DHX30: variants seen among roughly 807,000 people sequenced by gnomAD.
DHX30 encodes ATP-dependent RNA helicase DHX30.
In DHX30, 4 loss-of-function variants were observed where a neutral mutation model predicts 116.9. The ratio of observed to expected loss-of-function variants is 0.03; its 90% CI spans 0.02 to 0.08. DHX30 has a LOEUF of 0.08. Among genes scored for constraint, DHX30 ranks in the 10% least tolerant of loss-of-function variants. The pLI is 1.00. For missense variants in DHX30, 871 were observed against 1,595.1 expected, an observed-to-expected ratio of 0.55 and a Z score of 7.73; for synonymous variants, 697 against 651.7, an observed-to-expected ratio of 1.07 and a Z score of -1.06.
At chr3:47,810,749 C>A in intron 3 of DHX30, 38 bp downstream of exon 3, 4 of 1,606,066 alleles carry the variant, frequency 2.5e-6, no homozygotes, top group Non-Finnish European at 3.4e-6. Flanking sequence ...CATGCCCTTC[C>A]TTATTGGGAT....
intron 3 of DHX30, among the ~76,000 whole-genome samples, chr3:47,814,337 A>G (rs1289416002): frequency 6.7e-6 from 1 of 150,330 alleles, no homozygotes; most frequent in Non-Finnish European, 1.5e-5. Context: ...GAGGCAGCAA[A>G]TCGCTTGAAC....
Position 47,846,209 on chromosome 3 carries a change from G to C in DHX30, c.1137G>C (p.Gln379His). The change falls in exon 11 of 22, where the codon CAG (glutamine) becomes CAC (histidine). Residue 379 changes from glutamine to histidine, a missense_variant. Around this residue, in one of 13 missense-constraint regions of DHX30, gnomAD observed 175 missense variants for 292.9 expected, o/e 0.60. Transcript: ENST00000445061. ...SSWIAPELRLQSDDILPLGKD... is the reference protein window; with the variant it reads ...SSWIAPELRLHSDDILPLGKD... ...GGATCGCCCCAGAACTCCGGCTGCAGAGTGATGACATCTTGCCCTTGGGCA... is the reference window on the plus strand; with the variant it reads ...GGATCGCCCCAGAACTCCGGCTGCACAGTGATGACATCTTGCCCTTGGGCA... The C allele has an allele frequency of 6.2e-7, 1 of 1,614,054 alleles. No individual in the cohort carries two copies. The highest frequency in any genetic ancestry group is 8.5e-7 in the Non-Finnish European group (1 of 1,180,036).
chr3:47,827,577 G>A, intron 5 of DHX30, 100 bp downstream of exon 5: 1 of 1,455,418 alleles, frequency 6.9e-7, no homozygotes, highest in Non-Finnish European at 9.2e-7. Flanking sequence ...GCCATAGAAT[G>A]GGTTTCCTGA....
At chr3:47,806,724 A>G (rs983562367) in intron 2 of DHX30, among the ~76,000 whole-genome samples, 2 of 149,992 alleles carry the variant, frequency 1.3e-5, no homozygotes, top group Non-Finnish European at 3.0e-5. Context: ...GGATTACAGG[A>G]GTGAGCCACT....
chr3:47,806,132 T>C (rs1375326198), intron 2 of DHX30, among the ~76,000 whole-genome samples: 4 of 144,432 alleles, frequency 2.8e-5, no homozygotes, highest in African/African-American at 1.0e-4. Context: ...CAAGCCCGGC[T>C]AATTTTTTTG....
chr3:47,848,769 C>T lies in DHX30; in HGVS notation c.2721C>T (p.Thr907=), dbSNP rs148809232. The change falls in exon 17 of 22, where the codon ACC becomes ACT. Residue 907 remains threonine, a synonymous_variant. Transcript: ENST00000445061. The surrounding 1 kb of genome is among the most constrained non-coding windows in gnomAD (Gnocchi z 9.4). ...HPLLVVVSCL[T]RDPFSSSLQN... is the part of the protein sequence containing the mutation. ...TACTGGTGGTCGTTTCCTGCCTCAC[C>T]CGGGACCCCTTCAGCAGCAGCCTAC... 6.2e-7 allele frequency: 1 copy of T among 1,614,096 alleles called. No individual in the cohort carries two copies. Among genetic ancestry groups the T allele is most frequent in the Non-Finnish European group, 8.5e-7 (1 of 1,179,968 alleles).
At chr3:47,838,242 T>C (rs930632713) in intron 6 of DHX30, among the ~76,000 whole-genome samples, 5 of 152,192 alleles carry the variant, frequency 3.3e-5, no homozygotes, top group Non-Finnish European at 5.9e-5. Context: ...ATCCTGCGGT[T>C]TTCACGCGTC....
intron 6 of DHX30, among the ~76,000 whole-genome samples, chr3:47,833,026 C>G (rs1030237947): frequency 2.0e-5 from 3 of 148,996 alleles, no homozygotes; most frequent in Non-Finnish European, 4.4e-5. Flanking sequence ...CTCCAGTTAT[C>G]CTCCCACCTT....
At position 47,810,720 on chromosome 3, in the gene DHX30, G is replaced by C; in HGVS notation, c.28+9G>C. On this transcript the variant is annotated intron_variant, in intron 3 of 21. Coordinates refer to ENST00000445061, the MANE Select transcript of DHX30 (RefSeq NM_138615.3). ...GGACTCATTCAGAAAAGGTAAGACTGCAACTGTGCTTGTGACCTCATGCCC... is the reference window on the plus strand; with the variant it reads ...GGACTCATTCAGAAAAGGTAAGACTCCAACTGTGCTTGTGACCTCATGCCC... 6.2e-7 allele frequency: 1 copy of C among 1,613,934 alleles called. No individual in the cohort carries two copies. The highest frequency in any genetic ancestry group is 8.5e-7 in the Non-Finnish European group (1 of 1,179,808).
chr3:47,842,978 G>A (rs1450165680), intron 8 of DHX30, 128 bp from the exon 9 acceptor site: 3 of 1,194,826 alleles, frequency 2.5e-6, no homozygotes, highest in African/African-American at 3.0e-5. Context: ...CCTCTAGCAT[G>A]GCTCACGCCT....
At chr3:47,832,811 A>T (rs1215745043) in intron 6 of DHX30, among the ~76,000 whole-genome samples, 2 of 150,492 alleles carry the variant, frequency 1.3e-5, no homozygotes, top group East Asian at 3.9e-4. Flanking sequence ...TAATGTTTTT[A>T]TATTTTTGGT....
intron 6 of DHX30, chr3:47,831,012 T>G (rs1321330723): frequency 1.3e-5 from 2 of 152,168 alleles, no homozygotes; most frequent in Non-Finnish European, 2.9e-5. Flanking sequence ...TTTCCTGCAC[T>G]TGAAGAGGCC....
At chr3:47,829,308 A>T (rs1371054950) in intron 6 of DHX30, among the ~76,000 whole-genome samples, 174 bp downstream of exon 6, 2 of 28,708 alleles carry the variant, frequency 7.0e-5, no homozygotes, top group Non-Finnish European at 8.8e-5. Flanking sequence ...ATATATATAT[A>T]TATATATTTT....
rs1442956780 is a variant in DHX30, at chr3:47,843,198, G to A, written c.882G>A (p.Gly294=). The change falls in exon 9 of 22, where the codon GGG becomes GGA. Residue 294 remains glycine, a synonymous_variant. Coordinates refer to ENST00000445061, the MANE Select transcript of DHX30 (RefSeq NM_138615.3). ...GCCCCATGACCTTTGTTGCCAAAGGGCGCCGCAAAGCAGAGGCTGAGAATA... is the reference window on the plus strand; with the variant it reads ...GCCCCATGACCTTTGTTGCCAAAGGACGCCGCAAAGCAGAGGCTGAGAATA... The part of the protein sequence containing the change: ...WPCPMTFVAK[G]RRKAEAENKA... 1.2e-6 allele frequency: 2 copies of A among 1,614,280 alleles called. No individual in the cohort carries two copies. The highest frequency in any genetic ancestry group is 1.7e-6 in the Non-Finnish European group (2 of 1,180,050).
At chr3:47,820,824 A>G (rs894918431) in intron 4 of DHX30, among the ~76,000 whole-genome samples, 10 of 151,966 alleles carry the variant, frequency 6.6e-5, no homozygotes, top group African/African-American at 2.4e-4. Context: ...TCACAGGGAA[A>G]GGAATCAACT....
At chr3:47,833,024 A>G (rs2036934142) in intron 6 of DHX30, among the ~76,000 whole-genome samples, 1 of 138,390 alleles carries the variant, frequency 7.2e-6, no homozygotes, top group Non-Finnish European at 1.5e-5. Context: ...GGCTCCAGTT[A>G]TCCTCCCACC....
chr3:47,828,003 C>T (rs2036621448), intron 5 of DHX30, among the ~76,000 whole-genome samples: 1 of 152,062 alleles, frequency 6.6e-6, no homozygotes, highest in East Asian at 1.9e-4. Context: ...GGACTACAGA[C>T]AGGTGCCACC....
At chr3:47,815,287 C>T (rs940857649) in intron 3 of DHX30, among the ~76,000 whole-genome samples, 2 of 152,164 alleles carry the variant, frequency 1.3e-5, no homozygotes, top group African/African-American at 4.8e-5. Context: ...CGGTGCTCAA[C>T]CCTTACTCTT....
At chr3:47,842,929 G>A (rs758340089) in intron 8 of DHX30, among the ~76,000 whole-genome samples, 177 bp from the exon 9 acceptor site, 1 of 152,248 alleles carries the variant, frequency 6.6e-6, no homozygotes, top group African/African-American at 2.4e-5. Flanking sequence ...GGACTAGGGT[G>A]CCTGAGCCCA....
Sources: gnomAD v4.1 joint callset for allele counts (sites outside exome capture counted in the v4.1 genomes callset) on GRCh38, gnomAD v4.1.1 for gene constraint, gnomAD v4.1.1 regional missense constraint, Gnocchi (gnomAD v3.1) non-coding constraint, MANE v1.5 for transcripts, NCBI Gene and HGNC (gene_info 2026-07-23, HGNC 2026-07-21) for gene names.